NRCAM: variants seen among roughly 807,000 people sequenced by gnomAD.
NRCAM encodes neuronal cell adhesion molecule.
A neutral mutation model predicts 156.5 loss-of-function variants in NRCAM; 83 were observed. That is an observed-to-expected ratio of 0.53 (90% CI 0.44 to 0.64). The LOEUF (loss-of-function observed/expected upper bound fraction) is 0.64. NRCAM is among the 30% of genes least tolerant of loss of function. NRCAM has a pLI of 0.00. For synonymous variants in NRCAM, 538 were observed against 563.9 expected, an observed-to-expected ratio of 0.95 and a Z score of 0.65; for missense variants, 1,417 against 1,597.3, an observed-to-expected ratio of 0.89 and a Z score of 1.92.
chr7:108,232,834 C>T (rs1045946199), intron 6 of NRCAM, among the ~76,000 whole-genome samples: 1 of 152,124 alleles, frequency 6.6e-6, no homozygotes, highest in African/African-American at 2.4e-5. Flanking sequence ...GGTACACTCT[C>T]TTAGAGCTTT....
intron 13 of NRCAM, among the ~76,000 whole-genome samples, chr7:108,203,431 T>C (rs1363571981): frequency 1.6e-5 from 2 of 127,762 alleles, no homozygotes; most frequent in Non-Finnish European, 3.2e-5. Flanking sequence ...CCAGACACTT[T>C]TGGAGTTAAT....
At chr7:108,368,345 C>T (rs1432953941) in intron 2 of NRCAM, among the ~76,000 whole-genome samples, 1 of 151,424 alleles carries the variant, frequency 6.6e-6, no homozygotes, top group Non-Finnish European at 1.5e-5. Flanking sequence ...CCTAATGTGA[C>T]TTGACTTACC....
At chr7:108,267,171 C>T (rs187679831) in intron 3 of NRCAM, among the ~76,000 whole-genome samples, 117 of 152,330 alleles carry the variant, frequency 7.7e-4, no homozygotes, top group African/African-American at 2.2e-3. Context: ...AGCATCCCTC[C>T]ATGCTCTAGA....
intron 2 of NRCAM, among the ~76,000 whole-genome samples, chr7:108,345,291 T>C (rs966882198): frequency 6.6e-6 from 1 of 152,182 alleles, no homozygotes; most frequent in African/African-American, 2.4e-5. Flanking sequence ...AGTAAGATGA[T>C]TGTCTAGGTA....
At chr7:108,419,146 T>C (rs1050758426) in intron 1 of NRCAM, among the ~76,000 whole-genome samples, 1 of 152,100 alleles carries the variant, frequency 6.6e-6, no homozygotes, top group African/African-American at 2.4e-5. Context: ...GTAAAAGGAG[T>C]GCCCTCATCC....
At chr7:108,233,826 C>A (rs1029251889) in intron 6 of NRCAM, among the ~76,000 whole-genome samples, 20 of 152,188 alleles carry the variant, frequency 1.3e-4, no homozygotes, top group Non-Finnish European at 2.8e-4. Context: ...ACCCAACTCT[C>A]CAAAACTTCC....
intron 1 of NRCAM, among the ~76,000 whole-genome samples, chr7:108,435,985 T>G (rs1037474618): frequency 6.6e-6 from 1 of 151,998 alleles, no homozygotes; most frequent in Non-Finnish European, 1.5e-5. Context: ...ACAAAAAAAA[T>G]TAGCCGGGCG....
At chr7:108,325,495 C>G (rs1236011775) in intron 2 of NRCAM, among the ~76,000 whole-genome samples, 1 of 151,788 alleles carries the variant, frequency 6.6e-6, no homozygotes, top group African/African-American at 2.4e-5. Context: ...TTCCCAGTAT[C>G]TACGTTGCTT....
intron 30 of NRCAM, among the ~76,000 whole-genome samples, chr7:108,163,540 A>G (rs2050783940): frequency 6.6e-6 from 1 of 152,208 alleles, no homozygotes; most frequent in Non-Finnish European, 1.5e-5. Context: ...TGTGACCTTA[A>G]CCAAAGTTTG....
intron 13 of NRCAM, among the ~76,000 whole-genome samples, chr7:108,205,282 T>C (rs2080504092): frequency 6.6e-6 from 1 of 152,232 alleles, no homozygotes; most frequent in Non-Finnish European, 1.5e-5. Flanking sequence ...TGCTGGTTCT[T>C]TGATCTTGGA....
intron 2 of NRCAM, among the ~76,000 whole-genome samples, chr7:108,368,952 G>C (rs927246665): frequency 6.6e-6 from 1 of 152,066 alleles, no homozygotes; most frequent in Non-Finnish European, 1.5e-5. Flanking sequence ...TACTAAAATA[G>C]GGGGATTTAA....
At chr7:108,376,203 A>T (rs1028086078) in intron 2 of NRCAM, among the ~76,000 whole-genome samples, 5 of 152,210 alleles carry the variant, frequency 3.3e-5, no homozygotes, top group African/African-American at 9.6e-5. Context: ...CAGCTTGGTC[A>T]ATTAAATACC....
intron 2 of NRCAM, among the ~76,000 whole-genome samples, chr7:108,371,310 A>G (rs201540218): frequency 1.3e-5 from 2 of 152,146 alleles, no homozygotes; most frequent in East Asian, 3.8e-4. Flanking sequence ...CATTTCTTGG[A>G]GAATGTGGGG....
chr7:108,365,242 GA>G (rs2099584865), intron 2 of NRCAM, among the ~76,000 whole-genome samples: 1 of 152,124 alleles, frequency 6.6e-6, no homozygotes, highest in African/African-American at 2.4e-5. Context: ...CTAGGAAAGT[GA>G]AACAGGCTTA....
In NRCAM at chr7:108,160,436, A is replaced by C. The variant is rs2048191413; in HGVS notation, c.3523T>G (p.Cys1175Gly). 2 of 1,613,744 alleles carry C rather than the reference A, an allele frequency of 1.2e-6. No individual in the cohort carries two copies. Among genetic ancestry groups the C allele is most frequent in the Non-Finnish European group, 1.7e-6 (2 of 1,179,770 alleles). Residue 1175 changes from cysteine to glycine, a missense_variant, in exon 31 of 33, where the codon TGT becomes GGT. By Grantham distance (159) the Cys-to-Gly change is radical. Around this residue, in one of 2 missense-constraint regions of NRCAM, gnomAD observed 179 missense variants for 260.9 expected, o/e 0.69. Coordinates refer to ENST00000379028, the MANE Select transcript of NRCAM (RefSeq NM_001037132.4). Reference protein sequence around the residue: ...ATQGWFIGLMCAVALLILILL... With the variant: ...ATQGWFIGLMGAVALLILILL... The stretch of plus-strand genomic sequence containing the variant: ...ATTAAGATAAGGAGAGCAACAGCAC[A>C]CATCAGACCAATGAACCAGCCCTGA...
At chr7:108,305,248 G>T (rs1002987957) in intron 3 of NRCAM, among the ~76,000 whole-genome samples, 5 of 152,076 alleles carry the variant, frequency 3.3e-5, no homozygotes, top group Admixed American at 3.3e-4. Context: ...GACTGTTTTT[G>T]CATTAAAGAA....
intron 2 of NRCAM, among the ~76,000 whole-genome samples, chr7:108,387,847 T>C (rs529929357): frequency 6.6e-6 from 1 of 152,224 alleles, no homozygotes; most frequent in Admixed American, 6.5e-5. Flanking sequence ...CTGAGAATGA[T>C]GGTTTCCAGC....
chr7:108,450,528 A>G (rs940280630), intron 1 of NRCAM, among the ~76,000 whole-genome samples: 1 of 146,424 alleles, frequency 6.8e-6, no homozygotes, highest in African/African-American at 2.5e-5. Context: ...ATCCCTAAAC[A>G]TTCAGCATAA....
chr7:108,230,431 C>T lies in NRCAM; in HGVS notation c.550+600G>A, dbSNP rs114130490. Among the ~76,000 whole-genome samples the T allele has an allele frequency of 2.2e-3, 339 of 152,244 alleles. 3 individuals are homozygous for T. Among genetic ancestry groups the T allele is most frequent in the African/African-American group, 7.8e-3 (325 of 41,548 alleles). ...CATATCAACTGAAGTGATACTGTTA[C>T]TACTTATTTTATTTCAGATAAAGTC... is the stretch of plus-strand genomic sequence containing the variant. On this transcript the variant is annotated intron_variant, in intron 8 of 32. Transcript: ENST00000379028.
Sources: gnomAD v4.1 joint callset for allele counts (sites outside exome capture counted in the v4.1 genomes callset) on GRCh38, gnomAD v4.1.1 for gene constraint, gnomAD v4.1.1 regional missense constraint, MANE v1.5 for transcripts, NCBI Gene and HGNC (gene_info 2026-07-23, HGNC 2026-07-21) for gene names.